Variants in SSUH2 observed in about 807,000 individuals in gnomAD.
SSUH2 encodes the protein protein SSUH2 homolog.
A neutral mutation model predicts 55.3 loss-of-function variants in SSUH2; 47 were observed. The ratio of observed to expected loss-of-function variants is 0.85; its 90% CI spans 0.67 to 1.08. SSUH2 has a LOEUF of 1.08. SSUH2 is among the 50% of genes least tolerant of loss of function. The probability of loss-of-function intolerance (pLI) is 0.00; values close to 1 mark genes in which losing one functional copy is unlikely to be tolerated. For synonymous variants in SSUH2, 212 were observed against 191.5 expected (o/e 1.11, Z -0.89); for missense variants, 535 against 490.7 (o/e 1.09, Z -0.85).
chr3:8,660,818 T>C (rs1703405430), intron 6 of SSUH2, among the ~76,000 whole-genome samples: 1 of 152,254 alleles, frequency 6.6e-6, no homozygotes, highest in African/African-American at 2.4e-5. Flanking sequence ...GCTCAGCTTT[T>C]TGGATATGAA....
In SSUH2 at chr3:8,635,178, G is replaced by A. The variant is rs985997594; in HGVS notation, c.209+122C>T. 4.2e-6 allele frequency: 3 copies of A among 717,600 alleles called. No individual in the cohort carries two copies. The Admixed American group carries it at 8.6e-5, about 21-fold the overall frequency. 44.5% of individuals were successfully genotyped at this position (717,600 alleles called of 1,614,324 possible). A position where few individuals can be genotyped will look rare whatever the true frequency, so the allele number is the denominator to read the frequency against. On this transcript the variant is annotated intron_variant, in intron 3 of 11. Transcript: ENST00000544814. ...CCCCATCCCTGGAGGATCTGGTGCA[G>A]TAGGTCTGGGGTGCAGACGGCCCCC...
chr3:8,626,660 G>A (rs963725463), intron 8 of SSUH2, among the ~76,000 whole-genome samples: 2 of 151,922 alleles, frequency 1.3e-5, no homozygotes, highest in Non-Finnish European at 2.9e-5. Flanking sequence ...ACCCAGGCGA[G>A]TGCAATGAGA....
chr3:8,652,604 AC>A lies in SSUH2; in HGVS notation c.-307+6320del, dbSNP rs201729187. 9.7e-3 allele frequency among the ~76,000 whole-genome samples: 1,478 copies of A among 152,230 alleles called. 28 individuals carry two copies. Among genetic ancestry groups the A allele is most frequent in the African/African-American group, 0.034 (1,412 of 41,520 alleles). ...TTCAAATCTTTTATGGCTCCTTATT[AC>A]CCTAGGATAAAGTCCAAATCTTCAG... On this transcript the variant is annotated intron_variant, in intron 7 of 18. Coordinates refer to the SSUH2 transcript ENST00000317371.
rs552183917 is a variant in SSUH2 at position 8,619,675 on chromosome 3, T to A, written c.*193A>T. On this transcript the variant is annotated 3_prime_UTR_variant, in exon 12 of 12. Transcript: ENST00000544814. ...GCTGAATTATTGTAGGTTAAACATA[T>A]GAGTCATGGATTCCACCAGAGGAGC... 9.0e-3 allele frequency: 4,861 copies of A among 541,666 alleles called. 41 individuals carry two copies. The highest frequency in any genetic ancestry group is 0.012 in the Non-Finnish European group (3,754 of 312,030). 33.6% of individuals were successfully genotyped at this position (541,666 alleles called of 1,614,324 possible). A position where few individuals can be genotyped will look rare whatever the true frequency, so the allele number is the denominator to read the frequency against.
intron 5 of SSUH2, among the ~76,000 whole-genome samples, chr3:8,669,970 G>C (rs1575368181): frequency 6.6e-6 from 1 of 152,204 alleles, no homozygotes; most frequent in East Asian, 1.9e-4. Context: ...GTAGTTTACT[G>C]AATAGTGTTG....
intron 6 of SSUH2, among the ~76,000 whole-genome samples, chr3:8,661,448 T>C (rs898877570): frequency 2.6e-5 from 4 of 152,196 alleles, no homozygotes; most frequent in African/African-American, 9.7e-5. Flanking sequence ...ATCATTAAAA[T>C]CCTAAACTTC....
At chr3:8,664,477 T>C (rs933672017) in intron 5 of SSUH2, among the ~76,000 whole-genome samples, 1 of 137,868 alleles carries the variant, frequency 7.3e-6, no homozygotes, top group Non-Finnish European at 1.7e-5. Context: ...TTCTGAGCAA[T>C]TTTTTTTTAC....
intron 3 of SSUH2, 29 bp from the exon 4 acceptor site, chr3:8,633,824 G>T (rs144331103): frequency 2.5e-6 from 4 of 1,613,168 alleles, no homozygotes; most frequent in Admixed American, 3.3e-5. Context: ...AGAGGCGGGG[G>T]CTTCTGGGAA....
chr3:8,620,252 T>C (rs1198551272), intron 11 of SSUH2, among the ~76,000 whole-genome samples: 1 of 152,164 alleles, frequency 6.6e-6, no homozygotes, highest in Non-Finnish European at 1.5e-5. Context: ...GTTTTTCCCA[T>C]ACCATTCTCA....
chr3:8,673,441 A>G (rs994016188), intron 3 of SSUH2, among the ~76,000 whole-genome samples: 2 of 152,198 alleles, frequency 1.3e-5, no homozygotes, highest in African/African-American at 4.8e-5. Flanking sequence ...ATAAAGGAGG[A>G]TGGTCAGGTG....
chr3:8,640,015 A>C lies in SSUH2; in HGVS notation c.29-4158T>G, dbSNP rs139671207. The C allele has an allele frequency of 1.0e-3, 1,008 of 985,400 alleles. 5 individuals carry two copies. Among genetic ancestry groups the C allele is most frequent in the Middle Eastern group, 6.3e-3 (12 of 1,914 alleles). 61.0% of individuals were successfully genotyped at this position (985,400 alleles called of 1,614,324 possible). A position where few individuals can be genotyped will look rare whatever the true frequency, so the allele number is the denominator to read the frequency against. On this transcript the variant is annotated intron_variant, in intron 1 of 11. Coordinates refer to ENST00000544814, the MANE Select transcript of SSUH2 (RefSeq NM_001256748.3). Reference sequence around the variant, plus strand: ...TGAATTATACTTGAGATGGTGCCAAAAAGATTCAGGTGGTCAAACTCACAC... The same window carrying C: ...TGAATTATACTTGAGATGGTGCCAACAAGATTCAGGTGGTCAAACTCACAC...
chr3:8,660,556 G>C (rs1703377053), intron 6 of SSUH2, among the ~76,000 whole-genome samples: 1 of 152,154 alleles, frequency 6.6e-6, no homozygotes, highest in Non-Finnish European at 1.5e-5. Context: ...GCCAGAGCAA[G>C]ATTGAAGGGA....
chr3:8,623,340 C>G (rs1326057327), intron 11 of SSUH2: 3 of 520,234 alleles, frequency 5.8e-6, no homozygotes, highest in East Asian at 3.2e-5. Context: ...ACTTCTCCTG[C>G]GACCCACGGT....
chr3:8,627,083 G>A (rs924259823), intron 8 of SSUH2: 1 of 152,238 alleles, frequency 6.6e-6, no homozygotes, highest in Non-Finnish European at 1.5e-5. Flanking sequence ...AGGATGGCCT[G>A]GGCTTTAATG....
At chr3:8,670,463 A>C (rs1394149951) in intron 5 of SSUH2, among the ~76,000 whole-genome samples, 1 of 152,038 alleles carries the variant, frequency 6.6e-6, no homozygotes, top group Non-Finnish European at 1.5e-5. Context: ...AGGTGTCCAC[A>C]CATGGTGTAC....
chr3:8,675,362 G>A (rs752065449), intron 3 of SSUH2, among the ~76,000 whole-genome samples: 1 of 152,156 alleles, frequency 6.6e-6, no homozygotes, highest in Admixed American at 6.5e-5. Context: ...GCGTTGGCTC[G>A]AGACCATCAG....
At chr3:8,677,711 T>G (rs694222) in intron 2 of SSUH2, among the ~76,000 whole-genome samples, 118,181 of 150,314 alleles carry the variant, frequency 0.79, 47,584 homozygotes, top group East Asian at 0.94. Context: ...CCCCCTGTTT[T>G]AGGGCCTTGG....
At chr3:8,662,685 C>A (rs1355854376) in intron 6 of SSUH2, among the ~76,000 whole-genome samples, 2 of 152,226 alleles carry the variant, frequency 1.3e-5, no homozygotes, top group Non-Finnish European at 2.9e-5. Flanking sequence ...AGAGTTACAG[C>A]TGTGAAACAT....
At chr3:8,663,694 C>T in intron 6 of SSUH2, 2 of 401,506 alleles carry the variant, frequency 5.0e-6, no homozygotes. Flanking sequence ...ACTAACTCAG[C>T]CTCCCCCATC....
Sources: gnomAD v4.1 joint callset for allele counts (sites outside exome capture counted in the v4.1 genomes callset) on GRCh38, gnomAD v4.1.1 for gene constraint, MANE v1.5 for transcripts, NCBI Gene and HGNC (gene_info 2026-07-23, HGNC 2026-07-21) for gene names.